Variants in ITGA4 observed in about 807,000 individuals in gnomAD.
ITGA4 encodes integrin alpha-4.
In ITGA4, 63 loss-of-function variants were observed where a neutral mutation model predicts 133.6. That is an observed-to-expected ratio of 0.47 (90% CI 0.38 to 0.58). ITGA4 has a LOEUF of 0.58. Ranked by LOEUF, ITGA4 falls within the 20% of genes least tolerant of loss-of-function variation. ITGA4 has a pLI of 0.00. For synonymous variants in ITGA4, 483 were observed against 438.0 expected, an observed-to-expected ratio of 1.10 and a Z score of -1.28; for missense variants, 1,076 against 1,252.7, an observed-to-expected ratio of 0.86 and a Z score of 2.13.
At position 181,537,374 on chromosome 2, in the gene ITGA4, A is replaced by G. The variant is rs1687190161; in HGVS notation, c.*1847A>G. 2.2e-6 allele frequency: 1 copy of G among 453,956 alleles called. No homozygotes were observed. Among genetic ancestry groups the G allele is most frequent in the Non-Finnish European group, 4.4e-6 (1 of 226,734 alleles). The allele number at this position is 453,956 out of a possible 1,614,324, so 28.1% of individuals were successfully genotyped here. A position where few individuals can be genotyped will look rare whatever the true frequency, so the allele number is the denominator to read the frequency against. ...TCTCAGATACAAGGGGAACACAATT[A>G]CATATTGGGCTAGATTTTGCCCAGT... is the stretch of plus-strand genomic sequence containing the variant. On this transcript the variant is annotated 3_prime_UTR_variant, in exon 28 of 28. Coordinates refer to ENST00000397033, the MANE Select transcript of ITGA4 (RefSeq NM_000885.6).
intron 15 of ITGA4, among the ~76,000 whole-genome samples, chr2:181,500,860 T>A (rs576053614): frequency 4.6e-5 from 7 of 152,078 alleles, no homozygotes; most frequent in Non-Finnish European, 1.0e-4. Flanking sequence ...TATAGTCTAC[T>A]GGGGTGAGAA....
At chr2:181,482,227 C>T (rs155098) in intron 7 of ITGA4, 133 bp from the exon 8 acceptor site, 686,892 of 911,366 alleles carry the variant, frequency 0.75, 260,861 homozygotes, top group Admixed American at 0.85. Context: ...GTGTCACTCT[C>T]AACAGGATTT....
rs1264756703 is a variant in ITGA4, at chr2:181,516,690, C to T, written c.1922+4915C>T. Among the ~76,000 whole-genome samples the T allele has an allele frequency of 2.6e-5, 4 of 152,018 alleles. No homozygotes were observed. Among genetic ancestry groups the T allele is most frequent in the African/African-American group, 9.7e-5 (4 of 41,420 alleles). Reference sequence around the variant, plus strand: ...TTATTTTGTTATTGTGATACATTCTCTGGAGTTGAACCTAGAGGTCTGTCT... The same window carrying T: ...TTATTTTGTTATTGTGATACATTCTTTGGAGTTGAACCTAGAGGTCTGTCT... On this transcript the variant is annotated intron_variant, in intron 17 of 27. Transcript: ENST00000397033. This position sits in a 1 kb window ranked among gnomAD's most constrained non-coding sequence, Gnocchi z 4.0.
intron 17 of ITGA4, among the ~76,000 whole-genome samples, chr2:181,518,298 C>T (rs1257385100): frequency 6.6e-6 from 1 of 152,132 alleles, no homozygotes; most frequent in East Asian, 1.9e-4. Flanking sequence ...GCATATCCAA[C>T]TGCTCAAATC....
chr2:181,531,571 G>T, intron 24 of ITGA4, 86 bp from the exon 25 acceptor site: 1 of 597,186 alleles, frequency 1.7e-6, no homozygotes, highest in Non-Finnish European at 2.6e-6. Flanking sequence ...TGCCATTAGA[G>T]TATATATTAA....
At chr2:181,499,109 A>T (rs1179281749) in intron 15 of ITGA4, among the ~76,000 whole-genome samples, 1 of 152,100 alleles carries the variant, frequency 6.6e-6, no homozygotes, top group Non-Finnish European at 1.5e-5. Flanking sequence ...TGAGCCTCAA[A>T]TCTATTCCGT....
At chr2:181,468,859 A>G (rs1685483657) in intron 2 of ITGA4, among the ~76,000 whole-genome samples, 1 of 152,188 alleles carries the variant, frequency 6.6e-6, no homozygotes, top group African/African-American at 2.4e-5. Flanking sequence ...TAGTGGAAAA[A>G]TGCATTCAAC....
chr2:181,485,190 T>G (rs1685886802), intron 9 of ITGA4, among the ~76,000 whole-genome samples: 1 of 152,168 alleles, frequency 6.6e-6, no homozygotes, highest in South Asian at 2.1e-4. Context: ...ATTCCCTAAA[T>G]TAAGAGTAAA....
chr2:181,460,200 A>C (rs1030879286), intron 2 of ITGA4, among the ~76,000 whole-genome samples: 1 of 152,242 alleles, frequency 6.6e-6, no homozygotes, highest in Non-Finnish European at 1.5e-5. Context: ...CAAGGTATTT[A>C]CTGGGATGAA....
chr2:181,462,644 A>G (rs972284056), intron 2 of ITGA4, among the ~76,000 whole-genome samples: 2 of 152,208 alleles, frequency 1.3e-5, no homozygotes, highest in East Asian at 3.8e-4. Context: ...ATCAAGACAG[A>G]GAGCTTCACT....
intron 2 of ITGA4, among the ~76,000 whole-genome samples, chr2:181,470,672 T>C (rs1574379097): frequency 6.6e-6 from 1 of 151,930 alleles, no homozygotes; most frequent in South Asian, 2.1e-4. Flanking sequence ...AAGCTGATCA[T>C]GTAGCAGTCT....
chr2:181,518,438 T>A (rs1686653646), intron 17 of ITGA4, among the ~76,000 whole-genome samples: 1 of 152,114 alleles, frequency 6.6e-6, no homozygotes, highest in Admixed American at 6.6e-5. Flanking sequence ...GGTAAAGAAC[T>A]GCATCCTATG....
chr2:181,517,725 A>G (rs913309315), intron 17 of ITGA4, among the ~76,000 whole-genome samples: 10 of 152,068 alleles, frequency 6.6e-5, no homozygotes, highest in Non-Finnish European at 8.8e-5. Flanking sequence ...AATTGTAATT[A>G]TGGTAATGGG....
Position 181,478,744 on chromosome 2 carries a change from TATTTC to T in ITGA4, c.557-8_557-4del, listed in dbSNP as rs754536559. 8.2e-7 allele frequency: 1 copy of T among 1,221,982 alleles called. No individual in the cohort carries two copies. The highest frequency in any genetic ancestry group is 2.3e-5 in the Admixed American group (1 of 43,988). 75.7% of individuals were successfully genotyped at this position (1,221,982 alleles called of 1,614,324 possible). A position where few individuals can be genotyped will look rare whatever the true frequency, so the allele number is the denominator to read the frequency against. ...AAGATAAAATTCTGAGTTGTTTTAATATTTCATTTTAGATTATGTGAAAAAATTTG... is the reference window on the plus strand; with the variant it reads ...AAGATAAAATTCTGAGTTGTTTTAATATTTTAGATTATGTGAAAAAATTTG... On this transcript the variant is annotated splice_polypyrimidine_tract_variant and splice_region_variant and intron_variant, in intron 4 of 27. Transcript: ENST00000397033.
At position 181,538,160 on chromosome 2, in the gene ITGA4, A is replaced by ATTTC; in HGVS notation, c.*2637_*2640dup. 6.8e-7 allele frequency: 1 copy of ATTTC among 1,467,174 alleles called. No individual in the cohort carries two copies. Among genetic ancestry groups the ATTTC allele is most frequent in the Non-Finnish European group, 9.5e-7 (1 of 1,048,890 alleles). 90.9% of individuals were successfully genotyped at this position (1,467,174 alleles called of 1,614,324 possible). On this transcript the variant is annotated 3_prime_UTR_variant, in exon 28 of 28. Transcript: ENST00000397033. ...TTTATATTAAAATTCTAGTTTGTAC[A>ATTTC]TTTCTTTTAGAAACAATTACATGTT...
intron 15 of ITGA4, among the ~76,000 whole-genome samples, chr2:181,509,294 A>C (rs373207957): frequency 5.9e-5 from 9 of 152,184 alleles, no homozygotes; most frequent in African/African-American, 2.2e-4. Context: ...TGGGATAAAA[A>C]GCACCTTGAA....
intron 15 of ITGA4, among the ~76,000 whole-genome samples, chr2:181,506,860 T>C (rs957171702): frequency 6.6e-6 from 1 of 152,110 alleles, no homozygotes; most frequent in Non-Finnish European, 1.5e-5. Context: ...AATAGAAACC[T>C]GGTCCACTGA....
Position 181,480,905 on chromosome 2 carries a change from C to G in ITGA4, c.754+639C>G, listed in dbSNP as rs189203187. On this transcript the variant is annotated intron_variant, in intron 6 of 27. Transcript: ENST00000397033. Reference sequence around the variant, plus strand: ...TATTTCAACAGAAATGCAAACTTTTCTGGCATTAATGTCCATTACAAGAAA... The same window carrying G: ...TATTTCAACAGAAATGCAAACTTTTGTGGCATTAATGTCCATTACAAGAAA... Among the ~76,000 whole-genome samples the G allele has an allele frequency of 2.0e-3, 308 of 152,228 alleles. 2 individuals carry two copies. In the South Asian group the frequency reaches 0.021, roughly 10 times the overall value.
intron 4 of ITGA4, chr2:181,475,877 T>A (rs762965124): frequency 6.4e-5 from 102 of 1,595,644 alleles, no homozygotes; most frequent in Non-Finnish European, 8.1e-5. Flanking sequence ...TTGGGGTGAA[T>A]GTCAACAGAG....
Sources: allele counts gnomAD v4.1 joint callset (sites outside exome capture counted in the v4.1 genomes callset), GRCh38; gene constraint gnomAD v4.1.1; non-coding constraint Gnocchi (gnomAD v3.1); transcripts MANE v1.5; gene names NCBI Gene and HGNC (gene_info 2026-07-23, HGNC 2026-07-21).